The following ARHGAP42 variants were observed in gnomAD, a reference collection of about 807,000 sequenced individuals.
The protein encoded by ARHGAP42 is rho GTPase-activating protein 42.
Under a neutral mutation model 125.0 loss-of-function variants are expected in ARHGAP42, and 63 were observed. That is an observed-to-expected ratio of 0.50 (90% CI 0.41 to 0.62). ARHGAP42 has a LOEUF of 0.62. Among genes scored for constraint, ARHGAP42 ranks in the 20% least tolerant of loss-of-function variants. The pLI is 0.00. For synonymous variants in ARHGAP42, 339 were observed against 351.0 expected (o/e 0.97, Z 0.38); for missense variants, 766 against 1,024.2 (o/e 0.75, Z 3.44).
At chr11:100,834,826 A>G (rs1216620953) in intron 3 of ARHGAP42, among the ~76,000 whole-genome samples, 1 of 149,278 alleles carries the variant, frequency 6.7e-6, no homozygotes, top group Admixed American at 6.7e-5. Flanking sequence ...TGCTTTGGAC[A>G]GGGAACTTCT....
intron 22 of ARHGAP42, among the ~76,000 whole-genome samples, chr11:100,982,339 G>T (rs1016309579): frequency 6.6e-6 from 1 of 152,156 alleles, no homozygotes. Flanking sequence ...AGATTCCAGG[G>T]TTTTGCCATA....
chr11:100,838,602 A>T, intron 3 of ARHGAP42, among the ~76,000 whole-genome samples: 1 of 152,064 alleles, frequency 6.6e-6, no homozygotes, highest in East Asian at 1.9e-4. Context: ...GCCACATGGG[A>T]GGATCACTTG....
rs557750269 is a variant in ARHGAP42 at position 100,938,459 on chromosome 11, C to T, written c.832+2127C>T. On this transcript the variant is annotated intron_variant, in intron 8 of 23. Transcript: ENST00000298815. ...ATTTTTCCTCCCCCAAGACAATTTC[C>T]ATCTTGATTTGATCTGCATCTGCTG... is the stretch of plus-strand genomic sequence containing the variant. Among the ~76,000 whole-genome samples, 26 of 152,164 alleles carry T rather than the reference C, an allele frequency of 1.7e-4. No individual in the cohort carries two copies. In the East Asian group the frequency reaches 5.0e-3, roughly 29 times the overall value.
chr11:100,778,194 C>T (rs532217765), intron 2 of ARHGAP42, among the ~76,000 whole-genome samples: 15 of 151,444 alleles, frequency 9.9e-5, no homozygotes, highest in African/African-American at 3.1e-4. Context: ...AAAAAAGAAA[C>T]GGTGAAGTTG....
rs150349245 is a variant in ARHGAP42 at position 100,959,446 on chromosome 11, C to T, written c.1163-437C>T. 5.8e-3 allele frequency among the ~76,000 whole-genome samples: 880 copies of T among 152,118 alleles called. 9 individuals carry two copies. Among genetic ancestry groups the T allele is most frequent in the African/African-American group, 0.019 (808 of 41,526 alleles). ...TGAGAGCAGTGGAGGTTTTCAGCAA[C>T]CCAGGGAATCATCTTAAGACTGCAG... On this transcript the variant is annotated intron_variant, in intron 12 of 23. Transcript: ENST00000298815.
chr11:100,946,425 T>A (rs554356659), intron 10 of ARHGAP42, among the ~76,000 whole-genome samples: 3 of 152,190 alleles, frequency 2.0e-5, no homozygotes, highest in African/African-American at 7.2e-5. Flanking sequence ...AGAGACCTAG[T>A]TTTTAGGCTA....
At chr11:100,963,739 T>TG (rs1858017721) in intron 16 of ARHGAP42, among the ~76,000 whole-genome samples, 1 of 152,212 alleles carries the variant, frequency 6.6e-6, no homozygotes, top group Non-Finnish European at 1.5e-5. Flanking sequence ...TCTCATTCTA[T>TG]GAACTAGGAA....
intron 3 of ARHGAP42, among the ~76,000 whole-genome samples, chr11:100,807,115 G>A (rs991823753): frequency 4.0e-5 from 6 of 151,652 alleles, no homozygotes; most frequent in Non-Finnish European, 8.8e-5. Flanking sequence ...CTCAAAGTCT[G>A]GGGATTACAG....
At chr11:100,764,212 T>G (rs1775147350) in intron 1 of ARHGAP42, among the ~76,000 whole-genome samples, 1 of 152,070 alleles carries the variant, frequency 6.6e-6, no homozygotes, top group South Asian at 2.1e-4. Context: ...TTTGTAAAGT[T>G]AAGGCCTTGC....
intron 4 of ARHGAP42, among the ~76,000 whole-genome samples, chr11:100,886,669 T>G (rs971902451): frequency 6.6e-6 from 1 of 152,226 alleles, no homozygotes; most frequent in Admixed American, 6.5e-5. Context: ...ATTGATGTAT[T>G]GCATGTGCAA....
At chr11:100,960,494 A>G (rs905671572) in intron 13 of ARHGAP42, among the ~76,000 whole-genome samples, 1 of 152,138 alleles carries the variant, frequency 6.6e-6, no homozygotes, top group Non-Finnish European at 1.5e-5. Context: ...TGCCACTTCA[A>G]CATTCTGAGA....
chr11:100,804,250 A>G (rs535824132), intron 3 of ARHGAP42, among the ~76,000 whole-genome samples: 119 of 152,270 alleles, frequency 7.8e-4, no homozygotes, highest in South Asian at 3.3e-3. Flanking sequence ...TCGGCCTCTC[A>G]AAGTACTAGG....
chr11:100,965,908 A>T, intron 17 of ARHGAP42, 132 bp downstream of exon 17: 1 of 765,956 alleles, frequency 1.3e-6, no homozygotes, highest in Non-Finnish European at 2.1e-6. Context: ...CTTAAAAAAT[A>T]GTATGGCAGT....
chr11:100,750,549 C>T (rs551679304), intron 1 of ARHGAP42, among the ~76,000 whole-genome samples: 25 of 145,142 alleles, frequency 1.7e-4, no homozygotes, highest in Non-Finnish European at 3.3e-4. Flanking sequence ...TCCTGATGCA[C>T]GTGGCCCCTG....
intron 1 of ARHGAP42, among the ~76,000 whole-genome samples, chr11:100,703,285 T>A (rs1861427910): frequency 6.6e-6 from 1 of 152,228 alleles, no homozygotes. Context: ...GGCCCCATAC[T>A]CTATTTTCAT....
At chr11:100,909,121 T>C (rs1362031435) in intron 4 of ARHGAP42, among the ~76,000 whole-genome samples, 1 of 152,208 alleles carries the variant, frequency 6.6e-6, no homozygotes, top group African/African-American at 2.4e-5. Flanking sequence ...CCTTGTAGGT[T>C]ATGGATATTA....
chr11:100,810,150 A>G (rs972290539), intron 3 of ARHGAP42, among the ~76,000 whole-genome samples: 2 of 152,128 alleles, frequency 1.3e-5, no homozygotes, highest in African/African-American at 2.4e-5. Context: ...AAAATAAGAG[A>G]CTCAAGGATA....
rs187166237 is a variant in ARHGAP42 at position 100,963,523 on chromosome 11, C to T, written c.1444+1056C>T. 1.5e-3 allele frequency among the ~76,000 whole-genome samples: 227 copies of T among 152,314 alleles called. 5 individuals carry two copies. Among genetic ancestry groups the T allele is most frequent in the Admixed American group, 0.013 (205 of 15,304 alleles). The stretch of plus-strand genomic sequence containing the variant: ...TTAGTTGCTTTAGTTTATTTGCACA[C>T]ATTGTAATGTCACAGGAAATGTGTG... On this transcript the variant is annotated intron_variant, in intron 16 of 23. Coordinates refer to ENST00000298815, the MANE Select transcript of ARHGAP42 (RefSeq NM_152432.4).
chr11:100,748,303 T>C (rs1862352919), intron 1 of ARHGAP42, among the ~76,000 whole-genome samples: 1 of 152,212 alleles, frequency 6.6e-6, no homozygotes, highest in Admixed American at 6.5e-5. Flanking sequence ...ATTAGGCAAT[T>C]TTCCTAACAG....
Sources: allele counts gnomAD v4.1 joint callset (sites outside exome capture counted in the v4.1 genomes callset), GRCh38; gene constraint gnomAD v4.1.1; transcripts MANE v1.5; gene names NCBI Gene and HGNC (gene_info 2026-07-23, HGNC 2026-07-21).